RFTN2: variants seen among roughly 807,000 people sequenced by gnomAD.
RFTN2 encodes the protein raftlin family member 2.
A neutral mutation model predicts 52.7 loss-of-function variants in RFTN2; 34 were observed. The observed-to-expected ratio is 0.64, with a 90% CI of 0.49 to 0.86. The LOEUF is 0.86. Ranked by LOEUF, RFTN2 falls within the 40% of genes least tolerant of loss-of-function variation. The pLI is 0.00. For missense variants in RFTN2, 536 were observed against 600.1 expected (o/e 0.89, Z 1.12); for synonymous variants, 203 against 217.7 (o/e 0.93, Z 0.59).
chr2:197,604,181 G>A (rs754391659), intron 7 of RFTN2, among the ~76,000 whole-genome samples: 24 of 152,188 alleles, frequency 1.6e-4, no homozygotes, highest in Non-Finnish European at 2.8e-4. Context: ...GCTAGTAGGA[G>A]TGTACATGGA....
chr2:197,630,208 TAATA>T (rs58578058), intron 5 of RFTN2, among the ~76,000 whole-genome samples: 106,968 of 151,356 alleles, frequency 0.71, 38,486 homozygotes, highest in Middle Eastern at 0.86. Flanking sequence ...TCAGTTAAGG[TAATA>T]AATACTAGGC....
At chr2:197,608,573 C>T (rs942597151) in intron 7 of RFTN2, among the ~76,000 whole-genome samples, 6 of 151,062 alleles carry the variant, frequency 4.0e-5, no homozygotes, top group African/African-American at 9.7e-5. Flanking sequence ...TTTGGCCTCC[C>T]AAAGTGATAG....
chr2:197,658,481 T>G (rs887448264), intron 1 of RFTN2, among the ~76,000 whole-genome samples: 3 of 151,726 alleles, frequency 2.0e-5, no homozygotes, highest in Non-Finnish European at 2.9e-5. Context: ...GAGGTGGGGT[T>G]TCTCCATGTT....
At position 197,571,209 on chromosome 2, in the gene RFTN2, G is replaced by A. The variant is rs921557948; in HGVS notation, c.*799C>T. 1.3e-5 allele frequency: 2 copies of A among 152,136 alleles called. No homozygotes were observed. The highest frequency in any genetic ancestry group is 4.8e-5 in the African/African-American group (2 of 41,394). The allele number at this position is 152,136 out of a possible 1,614,324, so 9.4% of individuals were successfully genotyped here. On this transcript the variant is annotated 3_prime_UTR_variant, in exon 9 of 9. Transcript: ENST00000295049. ...AAGACTTCAGTTTCAAATTGAAGTT[G>A]ATATTTTTCCTCTTCATAGTATTTG...
At chr2:197,640,227 G>A (rs1574733654) in intron 3 of RFTN2, among the ~76,000 whole-genome samples, 1 of 152,310 alleles carries the variant, frequency 6.6e-6, no homozygotes, top group South Asian at 2.1e-4. Context: ...AGCCTACAGA[G>A]GCAGGCAGGC....
At chr2:197,577,908 G>A (rs1435100340) in intron 8 of RFTN2, among the ~76,000 whole-genome samples, 5 of 152,150 alleles carry the variant, frequency 3.3e-5, no homozygotes, top group African/African-American at 7.2e-5. Flanking sequence ...ATAGAGATGG[G>A]ATTTTGCCAT....
chr2:197,617,060 T>G (rs2088156946), intron 6 of RFTN2, among the ~76,000 whole-genome samples: 1 of 152,216 alleles, frequency 6.6e-6, no homozygotes, highest in African/African-American at 2.4e-5. Flanking sequence ...CAATGCTGTG[T>G]GTACATATTT....
intron 3 of RFTN2, among the ~76,000 whole-genome samples, chr2:197,639,329 G>A (rs1291579306): frequency 1.3e-5 from 2 of 150,140 alleles, no homozygotes; most frequent in Non-Finnish European, 3.0e-5. Flanking sequence ...ATATCCTGCA[G>A]AGTGTTTTCC....
intron 1 of RFTN2, among the ~76,000 whole-genome samples, chr2:197,660,716 G>T (rs1476264955): frequency 6.6e-6 from 1 of 151,534 alleles, no homozygotes; most frequent in East Asian, 1.9e-4. Context: ...CCACCACCAC[G>T]CCTGGCTAAT....
At chr2:197,594,021 T>C (rs1294091484) in intron 8 of RFTN2, among the ~76,000 whole-genome samples, 3 of 146,108 alleles carry the variant, frequency 2.1e-5, no homozygotes, top group Non-Finnish European at 3.0e-5. Flanking sequence ...ATTTCTTTTT[T>C]TTTTTTTTTT....
rs2088750173 is a variant in RFTN2 at position 197,646,474 on chromosome 2, T to A, written c.323+9A>T. 6.2e-7 allele frequency: 1 copy of A among 1,607,390 alleles called. No individual in the cohort carries two copies. Among genetic ancestry groups the A allele is most frequent in the Non-Finnish European group, 8.5e-7 (1 of 1,176,772 alleles). On this transcript the variant is annotated intron_variant, in intron 2 of 8. Transcript: ENST00000295049. ...CCTCACCTGCCTCTTTCTTGAATAG[T>A]GTGCTTACCTTAATTTCAAGCGCAA...
At chr2:197,604,165 C>T (rs2087923711) in intron 7 of RFTN2, among the ~76,000 whole-genome samples, 1 of 152,178 alleles carries the variant, frequency 6.6e-6, no homozygotes, top group Admixed American at 6.5e-5. Flanking sequence ...GTGACTCTGA[C>T]ACTCTGCTAG....
At chr2:197,597,203 A>G (rs921640584) in intron 7 of RFTN2, among the ~76,000 whole-genome samples, 3 of 152,190 alleles carry the variant, frequency 2.0e-5, no homozygotes, top group Non-Finnish European at 4.4e-5. Context: ...ATAACAGGAG[A>G]CTGCTTCTTT....
intron 3 of RFTN2, among the ~76,000 whole-genome samples, chr2:197,641,742 C>G (rs2045244): frequency 6.6e-6 from 1 of 152,108 alleles, no homozygotes; most frequent in Non-Finnish European, 1.5e-5. Context: ...ACAACCAACT[C>G]TTTACACAAG....
intron 1 of RFTN2, among the ~76,000 whole-genome samples, chr2:197,652,086 A>G (rs1430947190): frequency 2.0e-5 from 3 of 152,242 alleles, no homozygotes; most frequent in African/African-American, 7.2e-5. Flanking sequence ...TCCTCTTGGT[A>G]TCTTTCAATA....
chr2:197,575,376 G>A (rs1460178559), intron 8 of RFTN2, among the ~76,000 whole-genome samples: 2 of 152,184 alleles, frequency 1.3e-5, no homozygotes, highest in East Asian at 1.9e-4. Flanking sequence ...AGTTTATTTT[G>A]AGCGAGTGTC....
At chr2:197,608,860 C>T (rs1196436283) in intron 7 of RFTN2, among the ~76,000 whole-genome samples, 1 of 151,932 alleles carries the variant, frequency 6.6e-6, no homozygotes, top group Non-Finnish European at 1.5e-5. Context: ...TCAACTCCCA[C>T]TTATTAGTGA....
intron 5 of RFTN2, among the ~76,000 whole-genome samples, chr2:197,625,898 T>C (rs887263991): frequency 1.3e-5 from 2 of 151,744 alleles, no homozygotes; most frequent in African/African-American, 4.8e-5. Context: ...TTCAAGAGAT[T>C]TTCCTGTCTC....
intron 5 of RFTN2, among the ~76,000 whole-genome samples, chr2:197,619,750 A>AAAAT (rs1553602245): frequency 1.4e-5 from 2 of 144,480 alleles, no homozygotes; most frequent in Non-Finnish European, 3.0e-5. Context: ...TAAAAAAAAA[A>AAAAT]AATAATAATA....
Sources: gnomAD v4.1 joint callset for allele counts (sites outside exome capture counted in the v4.1 genomes callset) on GRCh38, gnomAD v4.1.1 for gene constraint, MANE v1.5 for transcripts, NCBI Gene and HGNC (gene_info 2026-07-23, HGNC 2026-07-21) for gene names.